Variants in SDK2 observed in about 807,000 individuals in gnomAD.
The protein encoded by SDK2 is protein sidekick-2.
In SDK2, 105 loss-of-function variants were observed where a neutral mutation model predicts 253.9. The ratio of observed to expected loss-of-function variants is 0.41; its 90% CI spans 0.35 to 0.49. SDK2 has a LOEUF of 0.49. SDK2 is among the 20% of genes least tolerant of loss of function. The pLI, the probability that SDK2 is intolerant of heterozygous loss-of-function variation, is 0.06. For missense variants in SDK2, 2,608 were observed against 3,003.0 expected, an observed-to-expected ratio of 0.87 and a Z score of 3.07; for synonymous variants, 1,249 against 1,234.9, an observed-to-expected ratio of 1.01 and a Z score of -0.24.
Position 73,447,854 on chromosome 17 carries a change from C to A in SDK2, c.480-106G>T. ...GGGAAGCCCGACCATATCTCCCAGT[C>A]CCCAGCCTCCCAGGGCCCCTCCTGC... On this transcript the variant is annotated intron_variant, in intron 4 of 44. Transcript: ENST00000392650. The surrounding 1 kb of genome is among the most constrained non-coding windows in gnomAD (Gnocchi z 4.0). The A allele has an allele frequency of 7.4e-7, 1 of 1,346,270 alleles. No individual in the cohort carries two copies. Among genetic ancestry groups the A allele is most frequent in the Non-Finnish European group, 1.0e-6 (1 of 977,410 alleles). 83.4% of individuals were successfully genotyped at this position (1,346,270 alleles called of 1,614,324 possible).
rs2063534978 is a variant in SDK2, at chr17:73,457,294, C to T, written c.332-1241G>A. On this transcript the variant is annotated intron_variant, in intron 3 of 44. Transcript: ENST00000392650. ...TCCTTCCTTCCTTCCTTCCCCCCTCCCTCCCTCCCCCTCCCCCCCTCCCCT... is the reference window on the plus strand; with the variant it reads ...TCCTTCCTTCCTTCCTTCCCCCCTCTCTCCCTCCCCCTCCCCCCCTCCCCT... 5.4e-5 allele frequency among the ~76,000 whole-genome samples: 2 copies of T among 36,810 alleles called. 1 individual carries two copies. The highest frequency in any genetic ancestry group is 3.3e-3 in the South Asian group (2 of 612). The allele number at this position is 36,810 out of a possible 152,430, so 24.1% of individuals were successfully genotyped here. A position where few individuals can be genotyped will look rare whatever the true frequency, so the allele number is the denominator to read the frequency against.
intron 44 of SDK2, among the ~76,000 whole-genome samples, chr17:73,340,275 C>T (rs2062423609): frequency 6.6e-6 from 1 of 152,232 alleles, no homozygotes; most frequent in South Asian, 2.1e-4. Flanking sequence ...GCAACCACCA[C>T]TTCTATCCAG....
At chr17:73,450,081 C>G (rs762452898) in intron 4 of SDK2, among the ~76,000 whole-genome samples, 1 of 152,198 alleles carries the variant, frequency 6.6e-6, no homozygotes, top group Non-Finnish European at 1.5e-5. Flanking sequence ...ATTTTCCCAC[C>G]TGAGAGTTTC....
At chr17:73,469,671 C>A (rs1209220744) in intron 3 of SDK2, among the ~76,000 whole-genome samples, 1 of 151,948 alleles carries the variant, frequency 6.6e-6, no homozygotes, top group Non-Finnish European at 1.5e-5. Flanking sequence ...GGAGGGAGTT[C>A]CCCCCACCCT....
At chr17:73,628,288 T>G (rs1358646998) in intron 1 of SDK2, among the ~76,000 whole-genome samples, 3 of 152,168 alleles carry the variant, frequency 2.0e-5, no homozygotes, top group African/African-American at 7.2e-5. Flanking sequence ...TGCGCCCAGT[T>G]CCTGGGTCCG....
At chr17:73,355,287 C>T (rs1258123137) in intron 40 of SDK2, among the ~76,000 whole-genome samples, 1 of 148,358 alleles carries the variant, frequency 6.7e-6, no homozygotes, top group Non-Finnish European at 1.5e-5. Context: ...AGATTCTCCT[C>T]CTACCTCAGC....
At chr17:73,402,961 C>T (rs1053494184) in intron 18 of SDK2, among the ~76,000 whole-genome samples, 2 of 152,040 alleles carry the variant, frequency 1.3e-5, no homozygotes, top group Non-Finnish European at 2.9e-5. Flanking sequence ...CCATGCCCGG[C>T]TAATTTTTGT....
chr17:73,586,590 C>T (rs965187053), intron 1 of SDK2, among the ~76,000 whole-genome samples: 3 of 149,028 alleles, frequency 2.0e-5, no homozygotes, highest in African/African-American at 7.7e-5. Context: ...TCTGATGCTT[C>T]GGTGGACTGC....
At chr17:73,621,771 A>G (rs2046136414) in intron 1 of SDK2, among the ~76,000 whole-genome samples, 1 of 152,156 alleles carries the variant, frequency 6.6e-6, no homozygotes, top group Non-Finnish European at 1.5e-5. Context: ...TGAAGAACAG[A>G]GAGTAAGAAG....
At chr17:73,560,221 G>A (rs2045211798) in intron 1 of SDK2, among the ~76,000 whole-genome samples, 1 of 152,242 alleles carries the variant, frequency 6.6e-6, no homozygotes, top group Non-Finnish European at 1.5e-5. Flanking sequence ...GACAGACAAG[G>A]TGTTGTTAGA....
chr17:73,448,749 C>T (rs1023883191), intron 4 of SDK2, among the ~76,000 whole-genome samples: 3 of 151,910 alleles, frequency 2.0e-5, no homozygotes, highest in Admixed American at 2.0e-4. Flanking sequence ...CAACCTCCGC[C>T]TTCCCGGTTC....
intron 12 of SDK2, among the ~76,000 whole-genome samples, chr17:73,428,871 T>G (rs1182274424): frequency 6.6e-6 from 1 of 152,068 alleles, no homozygotes; most frequent in African/African-American, 2.4e-5. Context: ...CTCCCCAGAA[T>G]CATCCCTTTG....
At chr17:73,399,948 C>G (rs1599526129) in intron 21 of SDK2, among the ~76,000 whole-genome samples, 2 of 152,218 alleles carry the variant, frequency 1.3e-5, no homozygotes, top group Admixed American at 1.3e-4. Flanking sequence ...CAACACCTCC[C>G]TCAGGGTTGT....
At position 73,483,479 on chromosome 17, in the gene SDK2, T is replaced by TTGTGTG. The variant is rs146198916; in HGVS notation, c.225-11267_225-11262dup. On this transcript the variant is annotated intron_variant, in intron 2 of 44. Transcript: ENST00000392650. Reference sequence around the variant, plus strand: ...GTGCACCACCACACCTGGCTAATCTTTGTGTGTGTGTGTGTGTGTGTGTGT... The same window carrying TTGTGTG: ...GTGCACCACCACACCTGGCTAATCTTTGTGTGTGTGTGTGTGTGTGTGTGTGTGTGT... Among the ~76,000 whole-genome samples, 74 of 127,668 alleles carry TTGTGTG rather than the reference T, an allele frequency of 5.8e-4. 1 individual carries two copies. The highest frequency in any genetic ancestry group is 1.2e-3 in the African/African-American group (40 of 32,782). The allele number at this position is 127,668 out of a possible 152,430, so 83.8% of individuals were successfully genotyped here. A position where few individuals can be genotyped will look rare whatever the true frequency, so the allele number is the denominator to read the frequency against.
chr17:73,416,535 G>A (rs1265434433), intron 16 of SDK2, among the ~76,000 whole-genome samples: 2 of 151,702 alleles, frequency 1.3e-5, no homozygotes, highest in African/African-American at 4.8e-5. Flanking sequence ...GCTTATAGTT[G>A]ACCCTTGAAC....
At chr17:73,345,286 T>G (rs899286958) in intron 44 of SDK2, among the ~76,000 whole-genome samples, 57 of 150,958 alleles carry the variant, frequency 3.8e-4, no homozygotes, top group African/African-American at 1.4e-3. Context: ...GCCATTGCAC[T>G]CCAGCCTGGG....
intron 1 of SDK2, among the ~76,000 whole-genome samples, chr17:73,553,239 C>T (rs569333932): frequency 7.2e-5 from 11 of 152,122 alleles, no homozygotes; most frequent in South Asian, 2.1e-4. Flanking sequence ...GGACAGGCCA[C>T]GGGGGGCCAG....
rs539536676 is a variant in SDK2 at position 73,460,113 on chromosome 17, C to T, written c.332-4060G>A. Among the ~76,000 whole-genome samples the T allele has an allele frequency of 7.2e-5, 11 of 152,278 alleles. No individual in the cohort carries two copies. In the South Asian group the frequency reaches 2.1e-3, roughly 29 times the overall value. ...CCAGTAGAATGTGCAGGAAGTGATG[C>T]CATGTGACTTTTGAGACTAGGTCAT... On this transcript the variant is annotated intron_variant, in intron 3 of 44. Transcript: ENST00000392650.
chr17:73,623,788 G>C (rs2046165011), intron 1 of SDK2, among the ~76,000 whole-genome samples: 1 of 152,178 alleles, frequency 6.6e-6, no homozygotes, highest in Admixed American at 6.5e-5. Flanking sequence ...CCGTTTCCCG[G>C]ATGTGAAACA....
Sources: gnomAD v4.1 joint callset for allele counts (sites outside exome capture counted in the v4.1 genomes callset) on GRCh38, gnomAD v4.1.1 for gene constraint, Gnocchi (gnomAD v3.1) non-coding constraint, MANE v1.5 for transcripts, NCBI Gene and HGNC (gene_info 2026-07-23, HGNC 2026-07-21) for gene names.